The following ADCY8 variants were observed in gnomAD, a reference collection of about 807,000 sequenced individuals.
The protein encoded by ADCY8 is adenylate cyclase 8.
In ADCY8, 51 loss-of-function variants were observed where a neutral mutation model predicts 119.7. That is an observed-to-expected ratio of 0.43 (90% CI 0.34 to 0.54). The LOEUF (loss-of-function observed/expected upper bound fraction) is 0.54. Among genes scored for constraint, ADCY8 ranks in the 20% least tolerant of loss-of-function variants. The probability of loss-of-function intolerance (pLI) is 0.03; values close to 1 mark genes in which losing one functional copy is unlikely to be tolerated. For synonymous variants in ADCY8, 665 were observed against 651.0 expected, an observed-to-expected ratio of 1.02 and a Z score of -0.33; for missense variants, 1,383 against 1,598.8, an observed-to-expected ratio of 0.87 and a Z score of 2.30.
At chr8:130,930,468 G>T (rs545756571) in intron 5 of ADCY8, among the ~76,000 whole-genome samples, 1 of 152,148 alleles carries the variant, frequency 6.6e-6, no homozygotes, top group African/African-American at 2.4e-5. Context: ...AACCAGGATG[G>T]TGTCGATCCC....
In ADCY8 at chr8:130,840,183, G is replaced by A. The variant is rs932102728; in HGVS notation, c.2503-3734C>T. Among the ~76,000 whole-genome samples, 4 of 138,914 alleles carry A rather than the reference G, an allele frequency of 2.9e-5. 1 individual carries two copies. Among genetic ancestry groups the A allele is most frequent in the Admixed American group, 7.4e-5 (1 of 13,528 alleles). The allele number at this position is 138,914 out of a possible 152,430, so 91.1% of individuals were successfully genotyped here. ...TTAGGCCTATCAAGCTTTAGGTATAGAAGGGGTGATTCAGGAAGGATGTTT... is the reference window on the plus strand; with the variant it reads ...TTAGGCCTATCAAGCTTTAGGTATAAAAGGGGTGATTCAGGAAGGATGTTT... On this transcript the variant is annotated intron_variant, in intron 11 of 17. Coordinates refer to ENST00000286355, the MANE Select transcript of ADCY8 (RefSeq NM_001115.3).
At chr8:130,990,317 G>C in intron 2 of ADCY8, 76 bp downstream of exon 2, 1 of 1,534,764 alleles carries the variant, frequency 6.5e-7, no homozygotes, top group Non-Finnish European at 8.8e-7. Flanking sequence ...ACGTGTTTGG[G>C]AGTAAAACAG....
intron 8 of ADCY8, among the ~76,000 whole-genome samples, chr8:130,868,333 T>C (rs1178635777): frequency 6.6e-6 from 1 of 151,610 alleles, no homozygotes; most frequent in Non-Finnish European, 1.5e-5. Context: ...CACAGGGAAA[T>C]GTTTTACCAG....
At chr8:130,961,481 T>G (rs1166703266) in intron 2 of ADCY8, among the ~76,000 whole-genome samples, 4 of 151,916 alleles carry the variant, frequency 2.6e-5, no homozygotes, top group African/African-American at 7.3e-5. Flanking sequence ...TTATGAGTCT[T>G]CATAAATCTC....
chr8:130,838,436 A>C (rs1298133193), intron 11 of ADCY8, among the ~76,000 whole-genome samples: 3 of 152,170 alleles, frequency 2.0e-5, no homozygotes, highest in Non-Finnish European at 4.4e-5. Context: ...GCCTCTGTAT[A>C]GGAAGCTGTG....
At chr8:130,989,975 CAT>C (rs1271932010) in intron 2 of ADCY8, among the ~76,000 whole-genome samples, 2 of 152,120 alleles carry the variant, frequency 1.3e-5, no homozygotes, top group Non-Finnish European at 2.9e-5. Context: ...AGAGACTAGA[CAT>C]GTGTAAGATT....
At chr8:130,931,752 G>A (rs1820635392) in intron 5 of ADCY8, among the ~76,000 whole-genome samples, 1 of 151,700 alleles carries the variant, frequency 6.6e-6, no homozygotes, top group African/African-American at 2.4e-5. Context: ...TTTCATTTTG[G>A]TTATTATATT....
rs74454841 is a variant in ADCY8, at chr8:130,967,573, T to C, written c.1111-15575A>G. On this transcript the variant is annotated intron_variant, in intron 2 of 17. Coordinates refer to ENST00000286355, the MANE Select transcript of ADCY8 (RefSeq NM_001115.3). ...AATAGCAGTGGCCATCAGATATGTT[T>C]TAATTCTTCCCAGTGCTCAACTCAC... 2.7e-3 allele frequency among the ~76,000 whole-genome samples: 417 copies of C among 152,372 alleles called. 2 individuals are homozygous for C. Among genetic ancestry groups the C allele is most frequent in the African/African-American group, 9.6e-3 (398 of 41,590 alleles).
At chr8:130,803,195 A>T (rs1297414662) in intron 14 of ADCY8, among the ~76,000 whole-genome samples, 1 of 152,168 alleles carries the variant, frequency 6.6e-6, no homozygotes, top group Non-Finnish European at 1.5e-5. Flanking sequence ...CTGGGTGGGA[A>T]ATGTTCTTCC....
rs1276317808 is a variant in ADCY8 at position 130,965,904 on chromosome 8, T to C, written c.1111-13906A>G. ...CTAAAAGGAAATTTGCAATTTCTGT[T>C]TGAATGTCTGTCATCCTCCCTAGAA... On this transcript the variant is annotated intron_variant, in intron 2 of 17. Transcript: ENST00000286355. Among the ~76,000 whole-genome samples, 3 of 152,210 alleles carry C rather than the reference T, an allele frequency of 2.0e-5. No individual in the cohort carries two copies. The East Asian group carries it at 5.8e-4, about 29-fold the overall frequency.
intron 7 of ADCY8, among the ~76,000 whole-genome samples, chr8:130,902,756 A>T (rs979250565): frequency 7.2e-5 from 11 of 152,122 alleles, no homozygotes; most frequent in Non-Finnish European, 4.4e-5. Context: ...ATATGTCTTC[A>T]TAAAACTCCA....
intron 2 of ADCY8, among the ~76,000 whole-genome samples, chr8:130,963,808 AG>A (rs1821680708): frequency 6.6e-6 from 1 of 152,220 alleles, no homozygotes; most frequent in South Asian, 2.1e-4. Context: ...AACAGAAAGG[AG>A]GAAAAGCTGG....
chr8:130,781,251 T>C (rs1359940381), intron 17 of ADCY8, among the ~76,000 whole-genome samples: 2 of 152,176 alleles, frequency 1.3e-5, no homozygotes, highest in African/African-American at 4.8e-5. Context: ...GTCAGGACCC[T>C]AGGATCTCCT....
At chr8:130,877,775 A>G (rs1283601148) in intron 8 of ADCY8, among the ~76,000 whole-genome samples, 2 of 152,116 alleles carry the variant, frequency 1.3e-5, no homozygotes, top group Non-Finnish European at 2.9e-5. Context: ...ACACCTACAA[A>G]TTTAAACACA....
intron 15 of ADCY8, among the ~76,000 whole-genome samples, chr8:130,797,775 T>G (rs576534632): frequency 1.3e-5 from 2 of 152,326 alleles, no homozygotes; most frequent in Non-Finnish European, 2.9e-5. Context: ...CACTGGATGG[T>G]GAAGCCTTGG....
intron 8 of ADCY8, among the ~76,000 whole-genome samples, chr8:130,872,745 A>T (rs904130133): frequency 6.6e-6 from 1 of 152,224 alleles, no homozygotes; most frequent in Non-Finnish European, 1.5e-5. Context: ...GGAAGAAAAC[A>T]AAAGACAGTA....
chr8:130,922,225 T>TC (rs1820332025), intron 5 of ADCY8, among the ~76,000 whole-genome samples: 1 of 151,502 alleles, frequency 6.6e-6, no homozygotes, highest in Non-Finnish European at 1.5e-5. Flanking sequence ...TTTTTTTTTT[T>TC]TTAATTGATC....
chr8:130,829,719 G>A (rs1816772511), intron 12 of ADCY8, among the ~76,000 whole-genome samples: 1 of 152,224 alleles, frequency 6.6e-6, no homozygotes, highest in Non-Finnish European at 1.5e-5. Flanking sequence ...GTCTATGGTA[G>A]TCATGAAAGG....
Position 131,039,424 on chromosome 8 carries a change from C to T in ADCY8, c.910G>A (p.Val304Ile), listed in dbSNP as rs1824278172. 6.2e-7 allele frequency: 1 copy of T among 1,614,034 alleles called. No homozygotes were observed. Among genetic ancestry groups the T allele is most frequent in the African/African-American group, 1.3e-5 (1 of 74,942 alleles). ...CGGGGTATGACCACTTGGAGGATGA[C>T]CTGCAGCAGCGAGGTGCCCAGGCCG... is the stretch of plus-strand genomic sequence containing the variant. Reference protein sequence around the residue: ...LAGLGTSLLQVILQVVIPRLA... With the variant: ...LAGLGTSLLQIILQVVIPRLA... Residue 304 changes from valine to isoleucine, a missense_variant, in exon 1 of 18, where the codon GTC (valine) becomes ATC (isoleucine). Coordinates refer to ENST00000286355, the MANE Select transcript of ADCY8 (RefSeq NM_001115.3).
Sources: allele counts gnomAD v4.1 joint callset (sites outside exome capture counted in the v4.1 genomes callset), GRCh38; gene constraint gnomAD v4.1.1; transcripts MANE v1.5; gene names NCBI Gene and HGNC (gene_info 2026-07-23, HGNC 2026-07-21).